The following HYCC1 variants were observed in gnomAD, a reference collection of about 807,000 sequenced individuals.
HYCC1 encodes hyccin.
chr7:22,899,305 A>C, the HYCC1 span, among the ~76,000 whole-genome samples: 2 of 152,058 alleles, frequency 1.3e-5, no homozygotes, highest in Non-Finnish European at 2.9e-5. Context: ...ACGTGGCCCA[A>C]CTCCAAGGAA....
chr7:22,906,088 T>G, the HYCC1 span, among the ~76,000 whole-genome samples: 1 of 152,008 alleles, frequency 6.6e-6, no homozygotes, highest in Non-Finnish European at 1.5e-5. Context: ...ATGATGATGA[T>G]TAGTAGTTAT....
the HYCC1 span, among the ~76,000 whole-genome samples, chr7:23,001,694 A>T: frequency 4.6e-3 from 693 of 152,162 alleles, 7 homozygotes; most frequent in African/African-American, 0.016. Context: ...TATTTTTCTC[A>T]GTTGGAATGA....
chr7:22,899,514 T>C, the HYCC1 span, among the ~76,000 whole-genome samples: 1 of 152,122 alleles, frequency 6.6e-6, no homozygotes, highest in African/African-American at 2.4e-5. Context: ...AGGCAGAAAA[T>C]AGTCTCTGCC....
chr7:22,960,187 A>G, the HYCC1 span: 1 of 1,482,078 alleles, frequency 6.7e-7, no homozygotes, highest in South Asian at 1.1e-5. Flanking sequence ...AAGTTATAGC[A>G]CCATAAGTAC....
chr7:22,977,848 T>C, the HYCC1 span, among the ~76,000 whole-genome samples: 4,333 of 152,292 alleles, frequency 0.028, 195 homozygotes, highest in African/African-American at 0.098. Flanking sequence ...GCAAGCCGTA[T>C]GTTAAAATAA....
the HYCC1 span, among the ~76,000 whole-genome samples, chr7:23,009,990 C>G: frequency 6.6e-6 from 1 of 152,128 alleles, no homozygotes; most frequent in African/African-American, 2.4e-5. Context: ...TCCATCTGCT[C>G]CCCTCCAAAA....
chr7:22,986,282 T>C, the HYCC1 span, among the ~76,000 whole-genome samples: 1 of 152,194 alleles, frequency 6.6e-6, no homozygotes, highest in East Asian at 1.9e-4. Flanking sequence ...CACAATTCTG[T>C]CATCATTTTA....
At chr7:22,960,168 T>G in the HYCC1 span, 1 of 1,344,396 alleles carries the variant, frequency 7.4e-7, no homozygotes, top group African/African-American at 1.4e-5. Context: ...TACTATTTAC[T>G]GAAGTTAGAA....
At chr7:22,983,970 T>C in the HYCC1 span, 7 of 1,604,236 alleles carry the variant, frequency 4.4e-6, no homozygotes, top group East Asian at 8.9e-5. Context: ...TGGATAACTT[T>C]ATAGAGAGAT....
the HYCC1 span, among the ~76,000 whole-genome samples, chr7:22,917,778 G>C: frequency 3.4e-4 from 52 of 152,238 alleles, no homozygotes; most frequent in Non-Finnish European, 3.8e-4. Flanking sequence ...CCACCCTTAA[G>C]TCTCTCTTAA....
the HYCC1 span, among the ~76,000 whole-genome samples, chr7:23,011,974 A>C: frequency 2.0e-4 from 30 of 152,198 alleles, no homozygotes; most frequent in African/African-American, 7.2e-4. Flanking sequence ...CACTGACTAC[A>C]TAGTATTATA....
chr7:23,007,281 C>T, the HYCC1 span, among the ~76,000 whole-genome samples: 480 of 152,164 alleles, frequency 3.2e-3, 2 homozygotes, highest in African/African-American at 0.011. Flanking sequence ...AAAAACATTA[C>T]GGTACTGATT....
chr7:22,901,781 A>G, the HYCC1 span, among the ~76,000 whole-genome samples: 1 of 152,090 alleles, frequency 6.6e-6, no homozygotes, highest in African/African-American at 2.4e-5. Context: ...ATACATGAAG[A>G]AAAAAAATTA....
chr7:23,007,489 C>T, the HYCC1 span, among the ~76,000 whole-genome samples: 1 of 152,064 alleles, frequency 6.6e-6, no homozygotes. Flanking sequence ...ATATTAAGAT[C>T]TTTATAATTG....
chr7:23,007,695 C>T, the HYCC1 span, among the ~76,000 whole-genome samples: 1 of 152,086 alleles, frequency 6.6e-6, no homozygotes, highest in Non-Finnish European at 1.5e-5. Flanking sequence ...AAAGATCAAT[C>T]TCATATAGCA....
At chr7:22,941,672 T>C in the HYCC1 span, 141 of 152,302 alleles carry the variant, frequency 9.3e-4, no homozygotes, top group African/African-American at 3.1e-3. Context: ...ATGTTCGTTG[T>C]TAGTTTCTTT....
the HYCC1 span, among the ~76,000 whole-genome samples, chr7:22,924,342 A>G: frequency 6.6e-6 from 1 of 152,118 alleles, no homozygotes; most frequent in Non-Finnish European, 1.5e-5. Flanking sequence ...GGTGCAGGAC[A>G]GTGGGTGCAG....
the HYCC1 span, among the ~76,000 whole-genome samples, chr7:22,912,544 C>A: frequency 2.0e-5 from 3 of 152,282 alleles, no homozygotes; most frequent in African/African-American, 4.8e-5. Flanking sequence ...GCTGGGATAA[C>A]CCCAGTGACC....
At chr7:22,915,868 G>T in the HYCC1 span, among the ~76,000 whole-genome samples, 2 of 152,002 alleles carry the variant, frequency 1.3e-5, no homozygotes, top group Admixed American at 6.6e-5. Flanking sequence ...TCCCTTATTA[G>T]GTCGAGACTT....
Sources: gnomAD v4.1 joint callset for allele counts (sites outside exome capture counted in the v4.1 genomes callset) on GRCh38, gnomAD v4.1.1 for gene constraint, MANE v1.5 for transcripts, NCBI Gene and HGNC (gene_info 2026-07-23, HGNC 2026-07-21) for gene names.